NXPH1: variants seen among roughly 807,000 people sequenced by gnomAD.
NXPH1 encodes the protein neurexophilin 1.
Under a neutral mutation model 23.7 loss-of-function variants are expected in NXPH1, and 5 were observed. The observed-to-expected ratio is 0.21, with a 90% confidence interval of 0.11 to 0.44. The LOEUF is 0.44. Ranked by LOEUF, NXPH1 falls within the 20% of genes least tolerant of loss-of-function variation. The pLI, the probability that NXPH1 is intolerant of heterozygous loss-of-function variation, is 0.99. For synonymous variants in NXPH1, 144 were observed against 122.2 expected, an observed-to-expected ratio of 1.18 and a Z score of -1.18; for missense variants, 324 against 321.6, an observed-to-expected ratio of 1.01 and a Z score of -0.06.
chr7:8,567,383 G>A (rs372028412), intron 2 of NXPH1, among the ~76,000 whole-genome samples: 5 of 151,902 alleles, frequency 3.3e-5, no homozygotes, highest in East Asian at 1.9e-4. Flanking sequence ...TAAGAACTAT[G>A]AGCATTACAT....
At chr7:8,739,076 A>G (rs1364546860) in intron 2 of NXPH1, among the ~76,000 whole-genome samples, 1 of 145,390 alleles carries the variant, frequency 6.9e-6, no homozygotes, top group East Asian at 2.1e-4. Flanking sequence ...TGGGGGTGGG[A>G]TCCACTGAGC....
intron 2 of NXPH1, among the ~76,000 whole-genome samples, chr7:8,730,555 G>A (rs1780134076): frequency 6.6e-6 from 1 of 151,874 alleles, no homozygotes; most frequent in African/African-American, 2.4e-5. Context: ...AAATCTCTCA[G>A]CATTTGCTTG....
At chr7:8,465,963 A>C (rs1816780474) in intron 2 of NXPH1, among the ~76,000 whole-genome samples, 1 of 152,150 alleles carries the variant, frequency 6.6e-6, no homozygotes, top group Non-Finnish European at 1.5e-5. Flanking sequence ...GGATAGGGCA[A>C]TTTCAATGGG....
intron 2 of NXPH1, among the ~76,000 whole-genome samples, chr7:8,538,392 C>A (rs999301412): frequency 3.3e-5 from 5 of 151,794 alleles, no homozygotes; most frequent in African/African-American, 1.2e-4. Context: ...TATGAACATA[C>A]CTTAGGGGTA....
intron 2 of NXPH1, among the ~76,000 whole-genome samples, chr7:8,653,308 T>C (rs943726703): frequency 1.4e-4 from 22 of 152,340 alleles, no homozygotes; most frequent in African/African-American, 4.8e-4. Context: ...CCTCATAGAC[T>C]ACATATATTT....
At chr7:8,495,744 G>T (rs1404754555) in intron 2 of NXPH1, among the ~76,000 whole-genome samples, 1 of 152,034 alleles carries the variant, frequency 6.6e-6, no homozygotes. Flanking sequence ...GGACCACTCA[G>T]AGAATCTGAA....
intron 2 of NXPH1, among the ~76,000 whole-genome samples, chr7:8,485,381 C>T (rs532614039): frequency 1.7e-4 from 26 of 152,116 alleles, no homozygotes; most frequent in African/African-American, 5.1e-4. Context: ...ATTAGCAGCA[C>T]GAGAACAGAC....
intron 2 of NXPH1, among the ~76,000 whole-genome samples, chr7:8,465,977 T>C (rs1044316299): frequency 5.3e-5 from 8 of 152,166 alleles, no homozygotes; most frequent in African/African-American, 1.9e-4. Flanking sequence ...CAATGGGTTG[T>C]TCTTAGGTGG....
intron 2 of NXPH1, among the ~76,000 whole-genome samples, chr7:8,648,864 T>A (rs6977710): frequency 0.71 from 107,123 of 151,660 alleles, 38,560 homozygotes; most frequent in East Asian, 1. Context: ...TGTAGTTTTT[T>A]AAAAATTTTT....
At chr7:8,512,276 A>G (rs1265573916) in intron 2 of NXPH1, among the ~76,000 whole-genome samples, 1 of 152,170 alleles carries the variant, frequency 6.6e-6, no homozygotes, top group Non-Finnish European at 1.5e-5. Context: ...TATGAGCTAG[A>G]TCCCTTATAT....
At position 8,751,067 on chromosome 7, in the gene NXPH1, C is replaced by G; in HGVS notation, c.114C>G (p.Ser38Arg). Residue 38 changes from serine (S) to arginine (R), a missense_variant, in exon 3 of 3, where the codon AGC becomes AGG. By Grantham distance (110) the Ser-to-Arg change is moderately radical. Transcript: ENST00000405863. This position sits in a 1 kb window ranked among gnomAD's most constrained non-coding sequence, Gnocchi z 4.5. ...CAGAACTTCTGAAATCAGGAAGCAG[C>G]AAATCCACACTAAAGCACATATGGA... ...GKSELLKSGS[S>R]KSTLKHIWTE... 6.2e-7 allele frequency: 1 copy of G among 1,613,792 alleles called. No individual in the cohort carries two copies. The highest frequency in any genetic ancestry group is 8.5e-7 in the Non-Finnish European group (1 of 1,179,762).
chr7:8,676,400 T>C (rs181416375), intron 2 of NXPH1, among the ~76,000 whole-genome samples: 1 of 152,312 alleles, frequency 6.6e-6, no homozygotes, highest in Admixed American at 6.5e-5. Flanking sequence ...ACACTCCACC[T>C]GAGGGCCCCA....
At chr7:8,595,192 T>TATAAATAA (rs145588981) in intron 2 of NXPH1, among the ~76,000 whole-genome samples, 10 of 151,436 alleles carry the variant, frequency 6.6e-5, no homozygotes, top group African/African-American at 2.4e-4. Context: ...CTTCTGCCAG[T>TATAAATAA]ATAAATAAAT....
intron 2 of NXPH1, among the ~76,000 whole-genome samples, chr7:8,436,009 C>T (rs903371249): frequency 3.3e-5 from 5 of 152,158 alleles, no homozygotes; most frequent in Non-Finnish European, 5.9e-5. Flanking sequence ...GCTAGGGCGC[C>T]CCAGACACCC....
At chr7:8,673,577 C>G (rs578211538) in intron 2 of NXPH1, among the ~76,000 whole-genome samples, 12 of 152,182 alleles carry the variant, frequency 7.9e-5, no homozygotes, top group Admixed American at 7.2e-4. Flanking sequence ...GCTGTATTAT[C>G]TTGGGCAAGC....
At chr7:8,661,234 A>G (rs1425435663) in intron 2 of NXPH1, among the ~76,000 whole-genome samples, 1 of 152,204 alleles carries the variant, frequency 6.6e-6, no homozygotes, top group Admixed American at 6.6e-5. Context: ...TTTGCAGCAC[A>G]TAAAATGATA....
chr7:8,655,154 G>A (rs1015576175), intron 2 of NXPH1, among the ~76,000 whole-genome samples: 6 of 152,094 alleles, frequency 3.9e-5, no homozygotes, highest in Non-Finnish European at 7.4e-5. Flanking sequence ...GGAGGCCAAG[G>A]TAGGTGGATT....
intron 2 of NXPH1, among the ~76,000 whole-genome samples, chr7:8,599,882 ATTAT>A (rs896367671): frequency 1.3e-5 from 2 of 150,658 alleles, no homozygotes; most frequent in Non-Finnish European, 2.9e-5. Flanking sequence ...ATCTTTAGTC[ATTAT>A]TTATGTATCT....
chr7:8,545,103 G>A (rs926702259), intron 2 of NXPH1, among the ~76,000 whole-genome samples: 1 of 151,498 alleles, frequency 6.6e-6, no homozygotes, highest in African/African-American at 2.4e-5. Context: ...CAGCTACCAG[G>A]GAAATGTCTC....
Sources: allele counts gnomAD v4.1 joint callset (sites outside exome capture counted in the v4.1 genomes callset), GRCh38; gene constraint gnomAD v4.1.1; non-coding constraint Gnocchi (gnomAD v3.1); transcripts MANE v1.5; gene names NCBI Gene and HGNC (gene_info 2026-07-23, HGNC 2026-07-21).